ATP7B: variants seen among roughly 807,000 people sequenced by gnomAD.
ATP7B encodes copper-transporting ATPase 2.
ATP7B carries 113 observed loss-of-function variants against 118.9 expected under a neutral mutation model. The observed-to-expected ratio is 0.95, with a 90% confidence interval of 0.82 to 1.11. ATP7B has a LOEUF of 1.11. Ranked by LOEUF, ATP7B falls within the 50% of genes most tolerant of loss-of-function variation. The pLI is 0.00. For synonymous variants in ATP7B, 777 were observed against 727.4 expected (o/e 1.07, Z -1.10); for missense variants, 1,867 against 1,871.4 (o/e 1.00, Z 0.04).
Position 51,964,852 on chromosome 13 carries a change from T to C in ATP7B, c.1869+20A>G, listed in dbSNP as rs566255910. ...ACTGTTTTTAAAAAGGTGACTACAA[T>C]TTTTTAATGAATTACTTACCTCAAT... On this transcript the variant is annotated intron_variant, in intron 5 of 20. Transcript: ENST00000242839. 2.6e-5 allele frequency: 42 copies of C among 1,611,194 alleles called. No individual in the cohort carries two copies. The East Asian group carries it at 6.9e-4, about 26-fold the overall frequency.
chr13:51,943,724 C>T (rs1454987105), intron 14 of ATP7B, among the ~76,000 whole-genome samples: 1 of 152,072 alleles, frequency 6.6e-6, no homozygotes, highest in Non-Finnish European at 1.5e-5. Flanking sequence ...TAGATTTCTC[C>T]CTTCCACCCC....
chr13:51,949,058 T>C (rs912897801), intron 12 of ATP7B, among the ~76,000 whole-genome samples: 1 of 152,102 alleles, frequency 6.6e-6, no homozygotes, highest in Admixed American at 6.6e-5. Context: ...CGTGTGCCTG[T>C]AGTCCCAGCT....
rs201200863 is a variant in ATP7B, at chr13:51,974,184, G to C, written c.1036C>G (p.Pro346Ala). 4 of 1,508,152 alleles carry C rather than the reference G, an allele frequency of 2.7e-6. No individual in the cohort carries two copies. The highest frequency in any genetic ancestry group is 1.2e-5 in the South Asian group (1 of 81,838). 93.4% of individuals were successfully genotyped at this position (1,508,152 alleles called of 1,614,324 possible). A position where few individuals can be genotyped will look rare whatever the true frequency, so the allele number is the denominator to read the frequency against. ...ACCTGGTTTCTCGGTGGGGAGCCAG[G>C]GGAATGAGAACTGGAAGACCTGTGA... ...TDHRSSSSHSPGSPPRNQVQG... is the reference protein window; with the variant it reads ...TDHRSSSSHSAGSPPRNQVQG... Residue 346 changes from proline (P) to alanine (A), a missense_variant, in exon 2 of 21, where the codon CCT becomes GCT. Coordinates refer to ENST00000242839, the MANE Select transcript of ATP7B (RefSeq NM_000053.4).
chr13:52,003,736 G>A lies in ATP7B; in HGVS notation c.51+7551C>T, dbSNP rs145708644. On this transcript the variant is annotated intron_variant, in intron 1 of 20. Transcript: ENST00000242839. ...GCAGAACAGGCCATGCGGGGCTTGCGGCCACAGGAGGAGCTCATGCCCCAC... is the reference window on the plus strand; with the variant it reads ...GCAGAACAGGCCATGCGGGGCTTGCAGCCACAGGAGGAGCTCATGCCCCAC... Among the ~76,000 whole-genome samples, 18 of 152,316 alleles carry A rather than the reference G, an allele frequency of 1.2e-4. No individual in the cohort carries two copies. In the East Asian group the frequency reaches 2.3e-3, roughly 20 times the overall value.
intron 19 of ATP7B, among the ~76,000 whole-genome samples, chr13:51,936,072 A>C (rs1956943793): frequency 6.6e-6 from 1 of 152,226 alleles, no homozygotes; most frequent in Non-Finnish European, 1.5e-5. Context: ...ACAGTCCCAC[A>C]GAGGACAAAC....
chr13:51,988,949 T>C (rs1765496037), intron 1 of ATP7B, among the ~76,000 whole-genome samples: 1 of 152,006 alleles, frequency 6.6e-6, no homozygotes, highest in South Asian at 2.1e-4. Flanking sequence ...GAGAAATACC[T>C]AATGTAGATG....
intron 9 of ATP7B, 35 bp from the exon 10 acceptor site, chr13:51,950,434 C>G: frequency 1.2e-6 from 2 of 1,612,492 alleles, no homozygotes; most frequent in Non-Finnish European, 1.7e-6. Flanking sequence ...CACATGGCCA[C>G]TCATTCGGTC....
chr13:52,005,463 A>G (rs997539027), intron 1 of ATP7B, among the ~76,000 whole-genome samples: 2 of 152,204 alleles, frequency 1.3e-5, no homozygotes, highest in African/African-American at 4.8e-5. Flanking sequence ...CATTTTATAA[A>G]TAAAAACAGA....
rs1296929108 is a variant in ATP7B at position 51,974,798 on chromosome 13, T to C, written c.422A>G (p.Gln141Arg). Residue 141 changes from glutamine to arginine, a missense_variant, in exon 2 of 21, where the codon CAG becomes CGG. By Grantham distance (43) the Gln-to-Arg change is conservative (BLOSUM62 1). Transcript: ENST00000242839. ...ASWPSRSLPAQEAVVKLRVEG... is the reference protein window; with the variant it reads ...ASWPSRSLPAREAVVKLRVEG... Reference sequence around the variant, plus strand: ...CACCCGGAGCTTGACCACAGCCTCCTGGGCAGGCAAGGACCTTGAGGGCCA... The same window carrying C: ...CACCCGGAGCTTGACCACAGCCTCCCGGGCAGGCAAGGACCTTGAGGGCCA... The C allele has an allele frequency of 1.2e-6, 2 of 1,614,212 alleles. No individual in the cohort carries two copies. Among genetic ancestry groups the C allele is most frequent in the South Asian group, 1.1e-5 (1 of 91,088 alleles).
intron 1 of ATP7B, among the ~76,000 whole-genome samples, chr13:51,987,830 T>C (rs1254816185): frequency 6.6e-6 from 1 of 152,186 alleles, no homozygotes; most frequent in Non-Finnish European, 1.5e-5. Flanking sequence ...ATTTAATAAA[T>C]GGTCTTGGGA....
intron 19 of ATP7B, among the ~76,000 whole-genome samples, chr13:51,936,199 C>G (rs926995842): frequency 2.0e-5 from 3 of 152,192 alleles, no homozygotes; most frequent in African/African-American, 7.2e-5. Context: ...CAGGTATGGT[C>G]AACTTTGTGT....
At chr13:51,997,903 C>T (rs1759513555) in intron 1 of ATP7B, among the ~76,000 whole-genome samples, 1 of 152,070 alleles carries the variant, frequency 6.6e-6, no homozygotes, top group African/African-American at 2.4e-5. Flanking sequence ...GAAGGCAAGT[C>T]TGGGGTAAAC....
At chr13:51,956,344 GACAC>G (rs1353424008) in intron 9 of ATP7B, among the ~76,000 whole-genome samples, 1 of 152,206 alleles carries the variant, frequency 6.6e-6, no homozygotes, top group Non-Finnish European at 1.5e-5. Context: ...AGGCCTCCAG[GACAC>G]AGCTAGGGCA....
Position 52,011,388 on chromosome 13 carries a change from T to A in ATP7B, c.-51A>T, listed in dbSNP as rs140622583. ...CTCTGATCTGGCTCAGAGCAAAAGG[T>A]CACCTGGTCGGTGGAGGAGAGCGGG... On this transcript the variant is annotated 5_prime_UTR_variant, in exon 1 of 21. Coordinates refer to ENST00000242839, the MANE Select transcript of ATP7B (RefSeq NM_000053.4). 3.8e-5 allele frequency: 62 copies of A among 1,612,670 alleles called. No individual in the cohort carries two copies. The highest frequency in any genetic ancestry group is 5.0e-5 in the Admixed American group (3 of 60,004).
chr13:51,980,545 C>G (rs553883536), intron 1 of ATP7B, among the ~76,000 whole-genome samples: 26 of 152,274 alleles, frequency 1.7e-4, no homozygotes, highest in Middle Eastern at 3.4e-3. Flanking sequence ...AAAACAAAAT[C>G]TCTGGATAAG....
intron 5 of ATP7B, among the ~76,000 whole-genome samples, chr13:51,964,225 AAACTT>A (rs1958945617): frequency 6.6e-6 from 1 of 152,118 alleles, no homozygotes; most frequent in African/African-American, 2.4e-5. Flanking sequence ...AGTTCCCACT[AAACTT>A]AATTTATCCT....
Position 51,934,648 on chromosome 13 carries a change from A to G in ATP7B, c.*108T>C. The G allele has an allele frequency of 1.3e-6, 2 of 1,530,410 alleles. No individual in the cohort carries two copies. Among genetic ancestry groups the G allele is most frequent in the Non-Finnish European group, 1.8e-6 (2 of 1,122,622 alleles). The allele number at this position is 1,530,410 out of a possible 1,614,324, so 94.8% of individuals were successfully genotyped here. On this transcript the variant is annotated 3_prime_UTR_variant, in exon 21 of 21. Coordinates refer to ENST00000242839, the MANE Select transcript of ATP7B (RefSeq NM_000053.4). ...ATGACTGGACATATCCAGGGAGCGG[A>G]AGTCCCCAAAGCTGGAGGCTAGCTC...
In ATP7B at chr13:52,011,429, G is replaced by C. The variant is rs1954031700; in HGVS notation, c.-92C>G. 1 of 1,553,574 alleles carries C rather than the reference G, an allele frequency of 6.4e-7. No homozygotes were observed. Among genetic ancestry groups the C allele is most frequent in the African/African-American group, 1.4e-5 (1 of 73,372 alleles). On this transcript the variant is annotated 5_prime_UTR_variant, in exon 1 of 21. Transcript: ENST00000242839. ...GGAGAGCGGGGTGTTAAAGTCCCGG[G>C]AGAGGAGGCGCAGAGTGTGAGGGCA...
chr13:51,944,259 G>C lies in ATP7B; in HGVS notation c.3093C>G (p.Thr1031=). Residue 1031 remains threonine (T), a synonymous_variant, in exon 14 of 21, where the codon ACC becomes ACG. Coordinates refer to ENST00000242839, the MANE Select transcript of ATP7B (RefSeq NM_000053.4). The part of the protein sequence containing the change: ...IKTVMFDKTG[T]ITHGVPRVMR... ...TGACCCTGGGGACGCCATGGGTAAT[G>C]GTGCCAGTCTTGTCAAACATCACAG... The C allele has an allele frequency of 6.2e-7, 1 of 1,614,050 alleles. No homozygotes were observed. The highest frequency in any genetic ancestry group is 8.5e-7 in the Non-Finnish European group (1 of 1,180,012).
Sources: allele counts gnomAD v4.1 joint callset (sites outside exome capture counted in the v4.1 genomes callset), GRCh38; gene constraint gnomAD v4.1.1; transcripts MANE v1.5; gene names NCBI Gene and HGNC (gene_info 2026-07-23, HGNC 2026-07-21).